Variants in MTF1 observed in about 807,000 individuals in gnomAD.
The protein encoded by MTF1 is metal regulatory transcription factor 1.
Under a neutral mutation model 70.4 loss-of-function variants are expected in MTF1, and 22 were observed. The observed-to-expected ratio is 0.31, with a 90% CI of 0.22 to 0.45. The LOEUF is 0.45. Among genes scored for constraint, MTF1 ranks in the 20% least tolerant of loss-of-function variants. The pLI, the probability that MTF1 is intolerant of heterozygous loss-of-function variation, is 1.00. For missense variants in MTF1, 649 were observed against 922.0 expected, an observed-to-expected ratio of 0.70 and a Z score of 3.83; for synonymous variants, 333 against 352.8, an observed-to-expected ratio of 0.94 and a Z score of 0.63.
chr1:37,828,874 A>G (rs956706284), intron 7 of MTF1, among the ~76,000 whole-genome samples: 4 of 152,194 alleles, frequency 2.6e-5, no homozygotes, highest in Admixed American at 2.6e-4. Flanking sequence ...AGGAGCAAAG[A>G]GCAAAGGGCA....
At position 37,840,404 on chromosome 1, in the gene MTF1, A is replaced by AT. The variant is rs1641237983; in HGVS notation, c.409-247dup. ...ATGTAGATGAATATTCTAAATGAAC[A>AT]TAAGAATGTTTTCAGACTCTATATA... On this transcript the variant is annotated intron_variant, in intron 2 of 10. Coordinates refer to ENST00000373036, the MANE Select transcript of MTF1 (RefSeq NM_005955.3). The surrounding 1 kb of genome is among the most constrained non-coding windows in gnomAD (Gnocchi z 4.5). 2 of 565,250 alleles carry AT rather than the reference A, an allele frequency of 3.5e-6. No homozygotes were observed. The highest frequency in any genetic ancestry group is 3.6e-5 in the East Asian group (1 of 27,776). 35.0% of individuals were successfully genotyped at this position (565,250 alleles called of 1,614,324 possible).
At chr1:37,827,372 A>ATTG (rs1237316622) in intron 7 of MTF1, among the ~76,000 whole-genome samples, 2 of 142,608 alleles carry the variant, frequency 1.4e-5, no homozygotes, top group African/African-American at 5.2e-5. Context: ...TATTATTATT[A>ATTG]TTTGAGACAG....
At chr1:37,818,500 C>A (rs1001834071) in intron 9 of MTF1, among the ~76,000 whole-genome samples, 1 of 151,114 alleles carries the variant, frequency 6.6e-6, no homozygotes, top group Non-Finnish European at 1.5e-5. Context: ...GTCAGGAGAT[C>A]GAGACCATCC....
chr1:37,826,624 CTT>C (rs34242072), intron 7 of MTF1: 198 of 385,792 alleles, frequency 5.1e-4, no homozygotes, highest in Admixed American at 1.5e-3. Flanking sequence ...TCAGTGATTC[CTT>C]TTTTTTTTTT....
At chr1:37,848,442 C>T (rs1322538651) in intron 2 of MTF1, among the ~76,000 whole-genome samples, 1 of 152,130 alleles carries the variant, frequency 6.6e-6, no homozygotes, top group East Asian at 1.9e-4. Flanking sequence ...TATCCCTTTG[C>T]ACATCACAGA....
rs149943585 is a variant in MTF1 at position 37,815,211 on chromosome 1, C to T, written c.2187G>A (p.Pro729=). The T allele has an allele frequency of 3.8e-5, 61 of 1,614,116 alleles. No homozygotes were observed. The highest frequency in any genetic ancestry group is 1.6e-4 in the Middle Eastern group (1 of 6,062). Residue 729 remains proline (P), a synonymous_variant, in exon 11 of 11, where the codon CCG becomes CCA. Coordinates refer to ENST00000373036, the MANE Select transcript of MTF1 (RefSeq NM_005955.3). The surrounding 1 kb of genome is among the most constrained non-coding windows in gnomAD (Gnocchi z 4.5). ...EFLSLQSLDT[P]SNLIPIEALL... ...GTGCTTCAATGGGAATCAGATTGGA[C>T]GGGGTGTCCAGGCTCTGGAGGGATA...
chr1:37,815,727 C>A lies in MTF1; in HGVS notation c.1832-161G>T, dbSNP rs1293551478. Among the ~76,000 whole-genome samples the A allele has an allele frequency of 6.6e-6, 1 of 152,086 alleles. No individual in the cohort carries two copies. The highest frequency in any genetic ancestry group is 1.5e-5 in the Non-Finnish European group (1 of 68,022). ...GTTCTGCTTTAAATTGGACCACATG[C>A]CCTCTGAGGTAAAAGAGGGACACTC... On this transcript the variant is annotated intron_variant, in intron 10 of 10. Transcript: ENST00000373036. This position sits in a 1 kb window ranked among gnomAD's most constrained non-coding sequence, Gnocchi z 4.5.
At chr1:37,854,937 T>C (rs1641468747) in intron 2 of MTF1, among the ~76,000 whole-genome samples, 1 of 152,188 alleles carries the variant, frequency 6.6e-6, no homozygotes, top group South Asian at 2.1e-4. Context: ...CGCATGCCTG[T>C]AATCCCAGCT....
At chr1:37,823,643 A>G in intron 8 of MTF1, 67 bp downstream of exon 8, 2 of 1,204,584 alleles carry the variant, frequency 1.7e-6, no homozygotes, top group South Asian at 1.2e-5. Context: ...AGAATGATTC[A>G]TTGTGCCTGT....
intron 2 of MTF1, among the ~76,000 whole-genome samples, chr1:37,846,391 TAAA>T (rs370112178): frequency 9.7e-5 from 11 of 113,260 alleles, no homozygotes; most frequent in Non-Finnish European, 7.5e-5. Flanking sequence ...AGACCCCATT[TAAA>T]AAAAAAAAAA....
At chr1:37,829,511 G>A (rs569320177) in intron 7 of MTF1, among the ~76,000 whole-genome samples, 16 of 151,936 alleles carry the variant, frequency 1.1e-4, no homozygotes, top group Admixed American at 8.5e-4. Flanking sequence ...GGCCGGGCGC[G>A]GTGGCTCACA....
At chr1:37,836,854 T>G (rs904020120) in intron 4 of MTF1, among the ~76,000 whole-genome samples, 4 of 152,036 alleles carry the variant, frequency 2.6e-5, no homozygotes, top group African/African-American at 9.7e-5. Context: ...TCATTGAATA[T>G]TCAAGAAAAA....
At chr1:37,824,634 G>T (rs1418768095) in intron 7 of MTF1, among the ~76,000 whole-genome samples, 1 of 152,160 alleles carries the variant, frequency 6.6e-6, no homozygotes, top group Non-Finnish European at 1.5e-5. Flanking sequence ...GGAGGCGGAG[G>T]TTGCAGTGAG....
chr1:37,857,794 A>C, intron 1 of MTF1, 85 bp from the exon 2 acceptor site: 1 of 751,880 alleles, frequency 1.3e-6, no homozygotes, highest in Non-Finnish European at 2.1e-6. Flanking sequence ...TTTCCCTCTC[A>C]CTTAAAGAGC....
At chr1:37,857,814 C>A in intron 1 of MTF1, 105 bp from the exon 2 acceptor site, 1 of 635,818 alleles carries the variant, frequency 1.6e-6, no homozygotes, top group Non-Finnish European at 2.7e-6. Context: ...CAAGCCAAAG[C>A]AAATGAAAAA....
At chr1:37,856,080 A>G (rs1458016323) in intron 2 of MTF1, among the ~76,000 whole-genome samples, 1 of 151,858 alleles carries the variant, frequency 6.6e-6, no homozygotes, top group Non-Finnish European at 1.5e-5. Flanking sequence ...ACATCCTGAC[A>G]TGCATTAGCT....
chr1:37,813,439 G>A lies in MTF1; in HGVS notation c.*1697C>T, dbSNP rs909612251. On this transcript the variant is annotated 3_prime_UTR_variant, in exon 11 of 11. Coordinates refer to ENST00000373036, the MANE Select transcript of MTF1 (RefSeq NM_005955.3). ...TGAACATCCTTGCTAAAGGCAGGGA[G>A]GGCCTCTGGCTCCAAGGTAAATTAT... The A allele has an allele frequency of 2.0e-5, 3 of 152,252 alleles. No individual in the cohort carries two copies. The highest frequency in any genetic ancestry group is 7.2e-5 in the African/African-American group (3 of 41,468). The allele number at this position is 152,252 out of a possible 1,614,324, so 9.4% of individuals were successfully genotyped here. A position where few individuals can be genotyped will look rare whatever the true frequency, so the allele number is the denominator to read the frequency against.
chr1:37,825,751 T>C (rs1640992838), intron 7 of MTF1, among the ~76,000 whole-genome samples: 1 of 152,198 alleles, frequency 6.6e-6, no homozygotes, highest in Non-Finnish European at 1.5e-5. Context: ...ACCTTTACAA[T>C]GATCTACTTC....
chr1:37,835,806 C>CTTTT, intron 4 of MTF1, 62 bp from the exon 5 acceptor site: 1 of 1,052,810 alleles, frequency 9.5e-7, no homozygotes, highest in Non-Finnish European at 1.4e-6. Context: ...TCCTGAACGT[C>CTTTT]TTTTTTTTTT....
Sources: gnomAD v4.1 joint callset for allele counts (sites outside exome capture counted in the v4.1 genomes callset) on GRCh38, gnomAD v4.1.1 for gene constraint, Gnocchi (gnomAD v3.1) non-coding constraint, MANE v1.5 for transcripts, NCBI Gene and HGNC (gene_info 2026-07-23, HGNC 2026-07-21) for gene names.